Variants in PTPRN2 observed in about 807,000 individuals in gnomAD.
The protein encoded by PTPRN2 is receptor-type tyrosine-protein phosphatase N2.
Under a neutral mutation model 118.8 loss-of-function variants are expected in PTPRN2, and 74 were observed. That is an observed-to-expected ratio of 0.62 (90% CI 0.52 to 0.76). The LOEUF is 0.76. Among genes scored for constraint, PTPRN2 ranks in the 30% least tolerant of loss-of-function variants. PTPRN2 has a pLI of 0.00. For synonymous variants in PTPRN2, 641 were observed against 608.0 expected (o/e 1.05, Z -0.80); for missense variants, 1,481 against 1,394.4 (o/e 1.06, Z -0.99).
intron 3 of PTPRN2, among the ~76,000 whole-genome samples, chr7:158,316,194 A>G (rs1008778273): frequency 6.6e-6 from 1 of 151,990 alleles, no homozygotes; most frequent in Non-Finnish European, 1.5e-5. Context: ...CCAGATGTGG[A>G]TTTCCCTTCC....
chr7:158,133,118 G>T (rs189966284), intron 9 of PTPRN2, among the ~76,000 whole-genome samples: 3 of 152,322 alleles, frequency 2.0e-5, no homozygotes, highest in African/African-American at 7.2e-5. Flanking sequence ...GAGGCTCGCT[G>T]CTGTGAAGCC....
rs115511682 is a variant in PTPRN2, at chr7:158,445,965, A to G, written c.163+43770T>C. Among the ~76,000 whole-genome samples, 776 of 152,218 alleles carry G rather than the reference A, an allele frequency of 5.1e-3. 11 individuals are homozygous for G. Among genetic ancestry groups the G allele is most frequent in the African/African-American group, 0.018 (747 of 41,530 alleles). On this transcript the variant is annotated intron_variant, in intron 2 of 22. Coordinates refer to ENST00000389418, the MANE Select transcript of PTPRN2 (RefSeq NM_002847.5). ...GGACCACCGCATGTGAGAAGCCAGG[A>G]CACTCAGCATGAGCAGGTAAACCCG...
chr7:158,301,366 C>T (rs756342347), intron 3 of PTPRN2, among the ~76,000 whole-genome samples: 18 of 152,180 alleles, frequency 1.2e-4, no homozygotes, highest in Non-Finnish European at 2.1e-4. Context: ...CATTAATATG[C>T]GCTCAATTGT....
At chr7:157,854,272 T>A (rs530720183) in intron 12 of PTPRN2, among the ~76,000 whole-genome samples, 2 of 152,276 alleles carry the variant, frequency 1.3e-5, no homozygotes, top group South Asian at 4.1e-4. Flanking sequence ...AGGGCTGGGC[T>A]CAGAAGCCTG....
chr7:157,631,314 G>A (rs1803924192), intron 14 of PTPRN2, among the ~76,000 whole-genome samples: 1 of 152,224 alleles, frequency 6.6e-6, no homozygotes, highest in Non-Finnish European at 1.5e-5. Context: ...GCAGCGGCAG[G>A]AACAAAGCGT....
chr7:157,723,049 C>G (rs1799332563), intron 12 of PTPRN2, among the ~76,000 whole-genome samples: 1 of 152,206 alleles, frequency 6.6e-6, no homozygotes. Context: ...AGATGGTCTC[C>G]TAGCTATTTT....
intron 2 of PTPRN2, among the ~76,000 whole-genome samples, chr7:158,324,840 C>T (rs1803353592): frequency 6.6e-6 from 1 of 152,078 alleles, no homozygotes; most frequent in South Asian, 2.1e-4. Flanking sequence ...GGCTTTGATA[C>T]CCTGTGAGGA....
intron 9 of PTPRN2, among the ~76,000 whole-genome samples, chr7:158,133,024 G>A (rs1170170774): frequency 6.6e-6 from 1 of 152,224 alleles, no homozygotes; most frequent in Non-Finnish European, 1.5e-5. Flanking sequence ...ACCTGAGAAC[G>A]GGCCAGCCAC....
intron 5 of PTPRN2, among the ~76,000 whole-genome samples, chr7:158,180,875 T>C (rs940570579): frequency 1.3e-5 from 2 of 152,184 alleles, no homozygotes; most frequent in African/African-American, 4.8e-5. Context: ...GTATATCATA[T>C]CATTGGCAAA....
chr7:158,384,320 C>T (rs1181783566), intron 2 of PTPRN2, among the ~76,000 whole-genome samples: 1 of 152,184 alleles, frequency 6.6e-6, no homozygotes, highest in Non-Finnish European at 1.5e-5. Context: ...ACACATCTCT[C>T]AGGAGCACAA....
At position 158,395,726 on chromosome 7, in the gene PTPRN2, A is replaced by T; in HGVS notation, c.164-78794T>A. Among the ~76,000 whole-genome samples the T allele has an allele frequency of 5.1e-5, 2 of 39,166 alleles. 1 individual carries two copies. Among genetic ancestry groups the T allele is most frequent in the Non-Finnish European group, 1.0e-4 (2 of 20,016 alleles). 25.7% of individuals were successfully genotyped at this position (39,166 alleles called of 152,430 possible). ...GGCGAGGGGCGAGGGGCGAGGCGCG[A>T]GGGGAGAGGGGAGAGGGGCGAGGGG... On this transcript the variant is annotated intron_variant, in intron 2 of 22. Transcript: ENST00000389418.
chr7:158,387,550 A>C (rs1811546364), intron 2 of PTPRN2, among the ~76,000 whole-genome samples: 4 of 152,296 alleles, frequency 2.6e-5, no homozygotes, highest in Admixed American at 1.3e-4. Context: ...ACTGGACTCC[A>C]GGGGGCTGCG....
chr7:157,871,021 T>A (rs1050185588), intron 12 of PTPRN2, among the ~76,000 whole-genome samples: 2 of 152,204 alleles, frequency 1.3e-5, no homozygotes, highest in Non-Finnish European at 2.9e-5. Flanking sequence ...GCTCTTGCAG[T>A]GCTGGTGCTG....
chr7:158,421,839 T>G (rs955070191), intron 2 of PTPRN2, among the ~76,000 whole-genome samples: 1 of 152,224 alleles, frequency 6.6e-6, no homozygotes, highest in Non-Finnish European at 1.5e-5. Context: ...TATTCATCAA[T>G]GCCTTTGGGC....
intron 2 of PTPRN2, among the ~76,000 whole-genome samples, chr7:158,402,713 C>A (rs2151408945): frequency 6.6e-6 from 1 of 152,314 alleles, no homozygotes; most frequent in East Asian, 1.9e-4. Context: ...GTCGTGCCTG[C>A]TCTCCGGACC....
At chr7:157,828,974 T>C (rs1016231811) in intron 12 of PTPRN2, among the ~76,000 whole-genome samples, 8 of 152,178 alleles carry the variant, frequency 5.3e-5, no homozygotes, top group African/African-American at 1.9e-4. Context: ...TTTTTATAAT[T>C]TTCTAAGGGA....
intron 11 of PTPRN2, among the ~76,000 whole-genome samples, chr7:157,994,952 T>TA (rs560814965): frequency 7.1e-5 from 2 of 27,976 alleles, no homozygotes. Context: ...TCCTTGTTCC[T>TA]AAATCAACGC....
At chr7:157,757,496 C>A (rs1044733307) in intron 12 of PTPRN2, among the ~76,000 whole-genome samples, 2 of 152,046 alleles carry the variant, frequency 1.3e-5, no homozygotes, top group African/African-American at 2.4e-5. Flanking sequence ...GGCAACTGGG[C>A]AGGACCCCAG....
Position 157,845,126 on chromosome 7 carries a change from C to A in PTPRN2, c.1788+53547G>T, listed in dbSNP as rs1240832350. Among the ~76,000 whole-genome samples the A allele has an allele frequency of 6.6e-6, 1 of 152,142 alleles. No homozygotes were observed. The highest frequency in any genetic ancestry group is 2.4e-5 in the African/African-American group (1 of 41,420). ...GCAGCCCTGACCTCACGTTGGTCCA[C>A]GACGGGCAGAGAGCAACTTGGATGG... On this transcript the variant is annotated intron_variant, in intron 12 of 22. Coordinates refer to ENST00000389418, the MANE Select transcript of PTPRN2 (RefSeq NM_002847.5). The surrounding 1 kb of genome is among the most constrained non-coding windows in gnomAD (Gnocchi z 4.5).
Sources: gnomAD v4.1 joint callset for allele counts (sites outside exome capture counted in the v4.1 genomes callset) on GRCh38, gnomAD v4.1.1 for gene constraint, Gnocchi (gnomAD v3.1) non-coding constraint, MANE v1.5 for transcripts, NCBI Gene and HGNC (gene_info 2026-07-23, HGNC 2026-07-21) for gene names.